The following TG variants were observed in gnomAD, a reference collection of about 807,000 sequenced individuals.
TG encodes the protein thyroglobulin, also known as thyroid hormones.
A neutral mutation model predicts 324.7 loss-of-function variants in TG; 270 were observed. The observed-to-expected ratio is 0.83, with a 90% CI of 0.75 to 0.92. The LOEUF is 0.92. Ranked by LOEUF, TG falls within the 40% of genes least tolerant of loss-of-function variation. TG has a pLI of 0.00. For synonymous variants in TG, 1,401 were observed against 1,327.0 expected, an observed-to-expected ratio of 1.06 and a Z score of -1.21; for missense variants, 3,591 against 3,456.4, an observed-to-expected ratio of 1.04 and a Z score of -0.98.
chr8:133,025,947 C>A (rs573413417), intron 40 of TG, among the ~76,000 whole-genome samples: 1 of 152,126 alleles, frequency 6.6e-6, no homozygotes, highest in Admixed American at 6.5e-5. Flanking sequence ...TGCCTGTCTG[C>A]AAGCAGAAGA....
chr8:132,972,562 G>A, intron 33 of TG, 36 bp from the exon 34 acceptor site: 1 of 1,552,814 alleles, frequency 6.4e-7, no homozygotes, highest in East Asian at 2.2e-5. Context: ...TCAGTTTCCT[G>A]ATTGTGGTTT....
chr8:133,059,489 C>T (rs1842049185), intron 41 of TG, among the ~76,000 whole-genome samples: 1 of 152,112 alleles, frequency 6.6e-6, no homozygotes, highest in South Asian at 2.1e-4. Flanking sequence ...TCTAACCAAA[C>T]CTGACATCTC....
chr8:133,019,568 C>A lies in TG; in HGVS notation c.6783-34C>A, dbSNP rs759979622. 4.4e-6 allele frequency: 7 copies of A among 1,590,772 alleles called. No homozygotes were observed. The Admixed American group carries it at 1.2e-4, about 27-fold the overall frequency. ...TGGGTGGGGAGGGGTGGTGATGGAG[C>A]ATGTCTTGGAAGTCACCCAGTCTGT... On this transcript the variant is annotated intron_variant, in intron 38 of 47. Transcript: ENST00000220616.
At chr8:132,937,286 G>A (rs1823748165) in intron 25 of TG, among the ~76,000 whole-genome samples, 1 of 152,166 alleles carries the variant, frequency 6.6e-6, no homozygotes, top group Non-Finnish European at 1.5e-5. Context: ...CTTGTGCCAG[G>A]AAAATCAGCA....
At chr8:132,875,253 A>G (rs1839851419) in intron 5 of TG, among the ~76,000 whole-genome samples, 1 of 152,208 alleles carries the variant, frequency 6.6e-6, no homozygotes, top group Admixed American at 6.5e-5. Flanking sequence ...CCTGCCTGAG[A>G]GCAAGTATAA....
intron 41 of TG, among the ~76,000 whole-genome samples, chr8:133,052,907 A>C (rs1249990730): frequency 1.3e-5 from 2 of 152,136 alleles, no homozygotes; most frequent in African/African-American, 4.8e-5. Context: ...TGGGTTTCCT[A>C]GTCTGGAAAA....
At position 132,886,722 on chromosome 8, in the gene TG, C is replaced by T; in HGVS notation, c.1350C>T (p.Ser450=). ...AAGCCATCCGAGCAATTTTTCCCTCCCGAGGGCTGGCTCGTCTTGCCCTTC... is the reference window on the plus strand; with the variant it reads ...AAGCCATCCGAGCAATTTTTCCCTCTCGAGGGCTGGCTCGTCTTGCCCTTC... ...LKEAIRAIFP[S]RGLARLALQF... is the part of the protein sequence containing the mutation. Residue 450 remains serine (S), a synonymous_variant, in exon 9 of 48, where the codon TCC becomes TCT. Transcript: ENST00000220616. 1.2e-6 allele frequency: 2 copies of T among 1,614,186 alleles called. No individual in the cohort carries two copies.
chr8:132,944,226 C>A (rs192541557), intron 26 of TG, among the ~76,000 whole-genome samples: 2 of 152,126 alleles, frequency 1.3e-5, no homozygotes, highest in African/African-American at 2.4e-5. Flanking sequence ...TGTTTGAGAT[C>A]GAGGTGTATT....
chr8:133,073,675 C>G (rs144828858), intron 41 of TG, among the ~76,000 whole-genome samples: 4 of 152,288 alleles, frequency 2.6e-5, no homozygotes, highest in African/African-American at 9.6e-5. Context: ...TAGCAAACCA[C>G]ACAATGACAA....
Position 132,971,612 on chromosome 8 carries a change from T to G in TG, c.5976-182T>G, listed in dbSNP as rs1829530958. Among the ~76,000 whole-genome samples the G allele has an allele frequency of 3.9e-5, 6 of 152,204 alleles. No individual in the cohort carries two copies. The South Asian group carries it at 1.2e-3, about 32-fold the overall frequency. ...TCCTGAGAGGAGTAGAATTTTGTTT[T>G]CAGAAAGAACCTCAAAGCTAAGAAT... On this transcript the variant is annotated intron_variant, in intron 32 of 47. Coordinates refer to ENST00000220616, the MANE Select transcript of TG (RefSeq NM_003235.5).
chr8:132,871,487 C>T lies in TG; in HGVS notation c.414C>T (p.Cys138=). 1 of 1,614,160 alleles carries T rather than the reference C, an allele frequency of 6.2e-7. No homozygotes were observed. Among genetic ancestry groups the T allele is most frequent in the South Asian group, 1.1e-5 (1 of 91,084 alleles). ...AGTGTGATGTGCAGCAGGTCCAGTG[C>T]TGGTGTGTGGACGCAGAGGGGATGG... ...PVQCDVQQVQ[C]WCVDAEGMEV... Residue 138 remains cysteine, a synonymous_variant, in exon 4 of 48, where the codon TGC becomes TGT. Coordinates refer to ENST00000220616, the MANE Select transcript of TG (RefSeq NM_003235.5).
chr8:132,901,286 G>A, intron 15 of TG, 67 bp from the exon 16 acceptor site: 1 of 1,591,038 alleles, frequency 6.3e-7, no homozygotes, highest in Non-Finnish European at 8.6e-7. Flanking sequence ...GGTGAGGAGG[G>A]TGATTGGGCA....
chr8:132,970,261 T>C (rs573329218), intron 32 of TG, among the ~76,000 whole-genome samples: 15 of 152,280 alleles, frequency 9.9e-5, no homozygotes. Context: ...AGTCATTATT[T>C]AGTTGTTTTA....
intron 17 of TG, among the ~76,000 whole-genome samples, chr8:132,907,350 C>T (rs924392093): frequency 6.6e-6 from 1 of 152,170 alleles, no homozygotes; most frequent in Non-Finnish European, 1.5e-5. Flanking sequence ...CCTGGCTTAG[C>T]AGGAGGCCCT....
intron 35 of TG, among the ~76,000 whole-genome samples, chr8:133,005,248 T>C (rs1053763081): frequency 4.6e-5 from 7 of 151,966 alleles, no homozygotes; most frequent in Admixed American, 6.6e-5. Context: ...GTGGAGGCCC[T>C]CCTGGGCAGG....
Position 132,900,354 on chromosome 8 carries a change from C to T in TG, c.3433+15C>T, listed in dbSNP as rs778230704. 11 of 1,603,946 alleles carry T rather than the reference C, an allele frequency of 6.9e-6. No individual in the cohort carries two copies. Among genetic ancestry groups the T allele is most frequent in the Admixed American group, 1.7e-5 (1 of 58,884 alleles). ...CAGTGCCCAGTGTGAGTAGCAGCCC[C>T]TCCTGGCATGGCTTCTCACCTCTTC... On this transcript the variant is annotated intron_variant, in intron 15 of 47. Transcript: ENST00000220616.
At chr8:132,879,743 G>A (rs16904768) in intron 5 of TG, among the ~76,000 whole-genome samples, 5,996 of 152,218 alleles carry the variant, frequency 0.039, 276 homozygotes, top group African/African-American at 0.11. Context: ...CCAATGTGCG[G>A]GAAGCAGGAA....
chr8:133,102,224 G>C (rs546686473), intron 43 of TG, among the ~76,000 whole-genome samples: 74 of 152,284 alleles, frequency 4.9e-4, no homozygotes, highest in Non-Finnish European at 9.1e-4. Flanking sequence ...GCTGACCTGA[G>C]ACCAATTTTC....
intron 35 of TG, among the ~76,000 whole-genome samples, chr8:132,987,735 T>TGC (rs987874004): frequency 2.9e-4 from 44 of 150,900 alleles, no homozygotes; most frequent in Admixed American, 1.4e-3. Context: ...TGTGTGTGTG[T>TGC]GCGTGTGTGT....
Sources: allele counts gnomAD v4.1 joint callset (sites outside exome capture counted in the v4.1 genomes callset), GRCh38; gene constraint gnomAD v4.1.1; transcripts MANE v1.5; gene names NCBI Gene and HGNC (gene_info 2026-07-23, HGNC 2026-07-21).